The following TLL1 variants were observed in gnomAD, a reference collection of about 807,000 sequenced individuals.
TLL1 encodes the protein tolloid-like protein 1.
Under a neutral mutation model 128.2 loss-of-function variants are expected in TLL1, and 49 were observed. The ratio of observed to expected loss-of-function variants is 0.38; its 90% CI spans 0.30 to 0.48. The LOEUF (loss-of-function observed/expected upper bound fraction) is 0.48. Among genes scored for constraint, TLL1 ranks in the 20% least tolerant of loss-of-function variants. The pLI is 0.96. For synonymous variants in TLL1, 454 were observed against 418.8 expected, an observed-to-expected ratio of 1.08 and a Z score of -1.03; for missense variants, 1,123 against 1,242.0, an observed-to-expected ratio of 0.90 and a Z score of 1.44.
chr4:166,077,684 A>C (rs780688343), intron 17 of TLL1, among the ~76,000 whole-genome samples: 2 of 152,164 alleles, frequency 1.3e-5, no homozygotes, highest in Non-Finnish European at 2.9e-5. Flanking sequence ...ATTTATGGTA[A>C]ATACTTAATT....
intron 1 of TLL1, among the ~76,000 whole-genome samples, chr4:165,884,746 G>A (rs565534397): frequency 6.6e-6 from 1 of 152,292 alleles, no homozygotes; most frequent in East Asian, 1.9e-4. Context: ...TGATGCAGGA[G>A]AATTGCTTGA....
intron 9 of TLL1, among the ~76,000 whole-genome samples, chr4:166,031,663 C>T (rs999966812): frequency 7.9e-5 from 12 of 151,880 alleles, no homozygotes; most frequent in African/African-American, 2.4e-4. Context: ...CCACTATGCC[C>T]GGCTTTAAGT....
chr4:166,060,912 G>A (rs1289314288), intron 15 of TLL1, among the ~76,000 whole-genome samples: 2 of 152,124 alleles, frequency 1.3e-5, no homozygotes, highest in Non-Finnish European at 2.9e-5. Flanking sequence ...GGTTATAAAC[G>A]TTTGTTTTGT....
chr4:166,054,537 G>A (rs952292719), intron 12 of TLL1, among the ~76,000 whole-genome samples: 5 of 151,060 alleles, frequency 3.3e-5, no homozygotes, highest in East Asian at 2.0e-4. Flanking sequence ...CTAGCATTAG[G>A]TATATCTCCC....
intron 1 of TLL1, among the ~76,000 whole-genome samples, chr4:165,986,512 A>G (rs1249310111): frequency 6.6e-6 from 1 of 152,070 alleles, no homozygotes; most frequent in Admixed American, 6.6e-5. Flanking sequence ...GAATTGGCTT[A>G]GTCACTCACT....
At chr4:165,994,934 A>G in intron 4 of TLL1, 127 bp from the exon 5 acceptor site, 1 of 745,406 alleles carries the variant, frequency 1.3e-6, no homozygotes, top group Admixed American at 2.1e-5. Flanking sequence ...GCCATAAACT[A>G]GTATTCTTTG....
rs1741380471 is a variant in TLL1 at position 166,083,585 on chromosome 4, C to T, written c.2442+5555C>T. Among the ~76,000 whole-genome samples, 2 of 123,214 alleles carry T rather than the reference C, an allele frequency of 1.6e-5. 1 individual carries two copies. 80.8% of individuals were successfully genotyped at this position (123,214 alleles called of 152,430 possible). A position where few individuals can be genotyped will look rare whatever the true frequency, so the allele number is the denominator to read the frequency against. ...CCTTTGGTCAACACCATTCAACTCT[C>T]TGCTTCTTTAAGTTTGATCATTTTA... On this transcript the variant is annotated intron_variant, in intron 18 of 20. Coordinates refer to ENST00000061240, the MANE Select transcript of TLL1 (RefSeq NM_012464.5).
At chr4:165,935,085 TA>T (rs1733703240) in intron 1 of TLL1, among the ~76,000 whole-genome samples, 2 of 152,198 alleles carry the variant, frequency 1.3e-5, no homozygotes, top group Non-Finnish European at 2.9e-5. Context: ...AAAATGTTTT[TA>T]AAATAATAAT....
intron 20 of TLL1, 99 bp downstream of exon 20, chr4:166,099,626 CAAAA>C (rs34057891): frequency 1.8e-3 from 1,724 of 958,996 alleles, no homozygotes; most frequent in East Asian, 2.3e-3. Flanking sequence ...ATGCTTTTTG[CAAAA>C]AAAAAAAAAA....
At chr4:166,024,540 A>G (rs1206556896) in intron 8 of TLL1, among the ~76,000 whole-genome samples, 2 of 152,212 alleles carry the variant, frequency 1.3e-5, no homozygotes, top group Non-Finnish European at 2.9e-5. Context: ...ATCTCTTGCA[A>G]GAGCAACAGG....
At chr4:166,044,358 C>G (rs1579665440) in intron 12 of TLL1, 2 of 1,535,368 alleles carry the variant, frequency 1.3e-6, no homozygotes, top group Non-Finnish European at 1.7e-6. Flanking sequence ...TGTGTCTGTA[C>G]CTGCAGCAGG....
chr4:166,036,810 TG>T (rs1739024918), intron 9 of TLL1, among the ~76,000 whole-genome samples: 1 of 151,922 alleles, frequency 6.6e-6, no homozygotes, highest in Non-Finnish European at 1.5e-5. Flanking sequence ...TGTGTGTGTG[TG>T]TGTGTGTGTG....
intron 16 of TLL1, among the ~76,000 whole-genome samples, chr4:166,072,501 T>C (rs964625554): frequency 2.0e-5 from 3 of 151,968 alleles, no homozygotes; most frequent in Admixed American, 6.6e-5. Flanking sequence ...AGAGTATTAA[T>C]GATTGGCTAC....
Position 165,955,373 on chromosome 4 carries a change from A to G in TLL1, c.170-34008A>G, listed in dbSNP as rs1218601342. On this transcript the variant is annotated intron_variant, in intron 1 of 20. Transcript: ENST00000061240. ...GCAATTTGGAAAATGGTATTTGACA[A>G]TATGGTCCATGAAAATTTCCCTAGT... 3.3e-5 allele frequency among the ~76,000 whole-genome samples: 5 copies of G among 152,118 alleles called. No homozygotes were observed. The East Asian group carries it at 9.6e-4, about 29-fold the overall frequency.
At chr4:166,076,609 C>T (rs1277525798) in intron 17 of TLL1, among the ~76,000 whole-genome samples, 2 of 152,150 alleles carry the variant, frequency 1.3e-5, no homozygotes, top group African/African-American at 4.8e-5. Flanking sequence ...ACGGTACATG[C>T]TCCTTGTGCA....
chr4:166,100,930 AT>A lies in TLL1; in HGVS notation c.*62del, dbSNP rs571111579. 29 of 1,597,496 alleles carry A rather than the reference AT, an allele frequency of 1.8e-5. No individual in the cohort carries two copies. The highest frequency in any genetic ancestry group is 8.1e-5 in the African/African-American group (6 of 74,184). On this transcript the variant is annotated 3_prime_UTR_variant, in exon 21 of 21. Transcript: ENST00000061240. Reference sequence around the variant, plus strand: ...AATGTGCATAATGGAGAGAAGACATATTTTTTTTAAAACTGAAGATATTGGC... The same window carrying A: ...AATGTGCATAATGGAGAGAAGACATATTTTTTTAAAACTGAAGATATTGGC...
Position 166,033,095 on chromosome 4 carries a change from A to G in TLL1, c.1159-6244A>G, listed in dbSNP as rs572803840. 1.4e-4 allele frequency among the ~76,000 whole-genome samples: 22 copies of G among 152,290 alleles called. No homozygotes were observed. The South Asian group carries it at 1.7e-3, about 11-fold the overall frequency. ...TAGAATTGAATGTTAATATCAAGTG[A>G]TCATAAAGATACGCAACTCCTGAAA... On this transcript the variant is annotated intron_variant, in intron 9 of 20. Coordinates refer to ENST00000061240, the MANE Select transcript of TLL1 (RefSeq NM_012464.5).
At chr4:165,944,777 G>A (rs182763766) in intron 1 of TLL1, among the ~76,000 whole-genome samples, 150 of 152,170 alleles carry the variant, frequency 9.9e-4, no homozygotes, top group African/African-American at 3.4e-3. Context: ...GATAAAATCT[G>A]TGAGATTTCT....
At chr4:165,938,764 A>C (rs1284999028) in intron 1 of TLL1, among the ~76,000 whole-genome samples, 1 of 151,148 alleles carries the variant, frequency 6.6e-6, no homozygotes, top group Non-Finnish European at 1.5e-5. Context: ...CTGTTCCTAG[A>C]ATTTCTCCTT....
Sources: gnomAD v4.1 joint callset for allele counts (sites outside exome capture counted in the v4.1 genomes callset) on GRCh38, gnomAD v4.1.1 for gene constraint, MANE v1.5 for transcripts, NCBI Gene and HGNC (gene_info 2026-07-23, HGNC 2026-07-21) for gene names.